The following DNAH10 variants were observed in gnomAD, a reference collection of about 807,000 sequenced individuals.
DNAH10 encodes axonemal beta dynein heavy chain 10.
Under a neutral mutation model 506.6 loss-of-function variants are expected in DNAH10, and 348 were observed. That is an observed-to-expected ratio of 0.69 (90% CI 0.63 to 0.75). DNAH10 has a LOEUF of 0.75. Among genes scored for constraint, DNAH10 ranks in the 30% least tolerant of loss-of-function variants. DNAH10 has a pLI of 0.00. For synonymous variants in DNAH10, 2,059 were observed against 2,198.6 expected, an observed-to-expected ratio of 0.94 and a Z score of 1.78; for missense variants, 5,179 against 5,787.1, an observed-to-expected ratio of 0.89 and a Z score of 3.41.
At position 123,848,798 on chromosome 12, in the gene DNAH10, A is replaced by G; in HGVS notation, c.6018A>G (p.Arg2006=). 1 of 1,613,914 alleles carries G rather than the reference A, an allele frequency of 6.2e-7. No homozygotes were observed. The change falls in exon 34 of 79, where the codon CGA becomes CGG. Residue 2006 remains arginine, a synonymous_variant. Transcript: ENST00000673944. The part of the protein sequence containing the change: ...GAWGCFDEFN[R]IDASVLSVIS... The stretch of plus-strand genomic sequence containing the variant: ...GGGGCTGCTTTGATGAGTTTAATCG[A>G]ATCGATGCTTCTGTGCTCTCCGTGA...
rs1359349314 is a variant in DNAH10, at chr12:123,928,247, G to T, written c.12106-140G>T. 5.4e-6 allele frequency: 5 copies of T among 931,252 alleles called. No homozygotes were observed. In the Admixed American group the frequency reaches 1.3e-4, roughly 24 times the overall value. The allele number at this position is 931,252 out of a possible 1,614,324, so 57.7% of individuals were successfully genotyped here. On this transcript the variant is annotated intron_variant, in intron 69 of 78. Transcript: ENST00000673944. This position sits in a 1 kb window ranked among gnomAD's most constrained non-coding sequence, Gnocchi z 4.9. Reference sequence around the variant, plus strand: ...GATGGTTTATTTGAAGGCTCCACCTGTAGCTCCTGGATCCTCGGCTTGCTT... The same window carrying T: ...GATGGTTTATTTGAAGGCTCCACCTTTAGCTCCTGGATCCTCGGCTTGCTT...
intron 21 of DNAH10, among the ~76,000 whole-genome samples, chr12:123,814,637 C>G (rs1395133436): frequency 8.4e-6 from 1 of 119,724 alleles, no homozygotes; most frequent in African/African-American, 3.5e-5. Context: ...TTTTTTGAGA[C>G]GGAGTCTCGC....
At chr12:123,930,303 G>A (rs1380852379) in intron 72 of DNAH10, 99 bp from the exon 73 acceptor site, 13 of 1,173,930 alleles carry the variant, frequency 1.1e-5, no homozygotes, top group African/African-American at 3.2e-5. Context: ...CCAGGCTGCT[G>A]GAGTCTCTTG....
intron 65 of DNAH10, among the ~76,000 whole-genome samples, chr12:123,921,613 A>G (rs189403990): frequency 1.1e-4 from 16 of 143,330 alleles, no homozygotes; most frequent in Middle Eastern, 8.3e-3. Flanking sequence ...TCTCAGCTTT[A>G]TCTCCTCCTC....
chr12:123,830,238 T>C (rs1197162962), intron 25 of DNAH10, among the ~76,000 whole-genome samples: 2 of 152,190 alleles, frequency 1.3e-5, no homozygotes, highest in Non-Finnish European at 2.9e-5. Context: ...GAGGTTGAGG[T>C]CATTGGTTGA....
intron 40 of DNAH10, 133 bp downstream of exon 40, chr12:123,864,863 A>C (rs1446478788): frequency 8.7e-7 from 1 of 1,146,188 alleles, no homozygotes; most frequent in Admixed American, 3.0e-5. Flanking sequence ...TAATGAATAC[A>C]ACTCTTTGTT....
intron 76 of DNAH10, chr12:123,932,527 T>C (rs1377399513): frequency 5.8e-6 from 1 of 172,928 alleles, no homozygotes; most frequent in Non-Finnish European, 1.2e-5. Flanking sequence ...GGTGCACATG[T>C]ATATGAATAT....
At position 123,910,262 on chromosome 12, in the gene DNAH10, G is replaced by C. The variant is rs1009080104; in HGVS notation, c.9998-274G>C. Among the ~76,000 whole-genome samples, 10 of 152,182 alleles carry C rather than the reference G, an allele frequency of 6.6e-5. 1 individual carries two copies. Among genetic ancestry groups the C allele is most frequent in the African/African-American group, 2.2e-4 (9 of 41,440 alleles). ...CTGTGAATTCCAGTTAGCCACCTGG[G>C]TGCCCAGTTGGGAGTCTCCGTTACG... On this transcript the variant is annotated intron_variant, in intron 58 of 78. Transcript: ENST00000673944.
intron 36 of DNAH10, among the ~76,000 whole-genome samples, chr12:123,855,964 T>C (rs1951370161): frequency 6.7e-6 from 1 of 149,574 alleles, no homozygotes; most frequent in East Asian, 1.9e-4. Flanking sequence ...TATTTTATTT[T>C]ACATTTTTAT....
chr12:123,768,430 C>T (rs570760003), intron 2 of DNAH10, among the ~76,000 whole-genome samples: 17 of 152,208 alleles, frequency 1.1e-4, no homozygotes, highest in South Asian at 4.2e-4. Context: ...CCACCATACC[C>T]GGCCGTCCTC....
intron 27 of DNAH10, among the ~76,000 whole-genome samples, chr12:123,834,243 T>C (rs1565965725): frequency 6.6e-6 from 1 of 152,210 alleles, no homozygotes; most frequent in African/African-American, 2.4e-5. Flanking sequence ...AGTCTTGCTC[T>C]GTCACCCAGG....
chr12:123,835,681 G>A (rs1034234144), intron 28 of DNAH10, among the ~76,000 whole-genome samples, 153 bp downstream of exon 28: 32 of 152,282 alleles, frequency 2.1e-4, no homozygotes, highest in Non-Finnish European at 2.1e-4. Flanking sequence ...CTGGAGTGCA[G>A]TGATGTGATC....
chr12:123,903,038 C>G lies in DNAH10; in HGVS notation c.9740C>G (p.Ala3247Gly). The G allele has an allele frequency of 6.2e-7, 1 of 1,609,546 alleles. No individual in the cohort carries two copies. The highest frequency in any genetic ancestry group is 8.5e-7 in the Non-Finnish European group (1 of 1,178,006). The stretch of plus-strand genomic sequence containing the variant: ...AAGGCCGAGGCCGAGACGACCCTGG[C>G]AGAGGTCATGCCCATCCTGGAGGCC... ...MEKAEAETTL[A>G]EVMPILEAAK... is the part of the protein sequence containing the mutation. The change falls in exon 57 of 79, where the codon GCA (alanine) becomes GGA (glycine). Residue 3247 changes from alanine (A) to glycine (G), a missense_variant. By Grantham distance (60) the Ala-to-Gly change is moderately conservative. Coordinates refer to ENST00000673944, the MANE Select transcript of DNAH10 (RefSeq NM_001372106.1). This position sits in a 1 kb window ranked among gnomAD's most constrained non-coding sequence, Gnocchi z 4.6.
Position 123,933,384 on chromosome 12 carries a change from G to A in DNAH10, c.13350G>A (p.Glu4450=). 6.2e-7 allele frequency: 1 copy of A among 1,611,128 alleles called. No individual in the cohort carries two copies. The change falls in exon 77 of 79, where the codon GAG becomes GAA. Residue 4450 remains glutamate, a synonymous_variant. Coordinates refer to ENST00000673944, the MANE Select transcript of DNAH10 (RefSeq NM_001372106.1). ...VMWLSGLHIP[E]SYLTALVQAT... The stretch of plus-strand genomic sequence containing the variant: ...GGCTCTCGGGGCTGCACATCCCTGA[G>A]TCCTACCTCACGGCGCTGGTGCAGG...
chr12:123,841,186 C>T, intron 29 of DNAH10, 136 bp from the exon 30 acceptor site: 1 of 839,292 alleles, frequency 1.2e-6, no homozygotes, highest in Admixed American at 1.9e-5. Context: ...GAACGACATC[C>T]ATCTTGCCTG....
Position 123,864,724 on chromosome 12 carries a change from C to G in DNAH10, c.7038C>G (p.Leu2346=). 1.2e-6 allele frequency: 2 copies of G among 1,610,988 alleles called. No homozygotes were observed. Among genetic ancestry groups the G allele is most frequent in the Non-Finnish European group, 8.5e-7 (1 of 1,178,956 alleles). ...GGCTCCAAGCACACTGTGCCCTGCT[C>G]TTTGAGGCAAGTAGTGATTAAAAGT... The part of the protein sequence containing the change: ...RIRLQAHCAL[L]FEVGDLQYAS... Residue 2346 remains leucine, a synonymous_variant, in exon 40 of 79, where the codon CTC becomes CTG. Coordinates refer to ENST00000673944, the MANE Select transcript of DNAH10 (RefSeq NM_001372106.1).
chr12:123,881,588 G>T, intron 50 of DNAH10, 37 bp from the exon 51 acceptor site: 2 of 1,504,762 alleles, frequency 1.3e-6, no homozygotes, highest in Non-Finnish European at 1.8e-6. Context: ...AACCCACCAT[G>T]CTGGGTTTTG....
rs1046711880 is a variant in DNAH10 at position 123,785,210 on chromosome 12, C to G, written c.1231-536C>G. Among the ~76,000 whole-genome samples the G allele has an allele frequency of 6.6e-6, 1 of 152,176 alleles. No individual in the cohort carries two copies. The highest frequency in any genetic ancestry group is 2.4e-5 in the African/African-American group (1 of 41,446). On this transcript the variant is annotated intron_variant, in intron 8 of 78. Coordinates refer to ENST00000673944, the MANE Select transcript of DNAH10 (RefSeq NM_001372106.1). This position sits in a 1 kb window ranked among gnomAD's most constrained non-coding sequence, Gnocchi z 4.1. Reference sequence around the variant, plus strand: ...ATTTTACATTCTGAAGAGCAATACACGAAGGTTCTGGTTTTTCCGTATCTT... The same window carrying G: ...ATTTTACATTCTGAAGAGCAATACAGGAAGGTTCTGGTTTTTCCGTATCTT...
At chr12:123,817,509 A>G (rs187039066) in intron 21 of DNAH10, among the ~76,000 whole-genome samples, 24 of 152,202 alleles carry the variant, frequency 1.6e-4, no homozygotes, top group African/African-American at 4.3e-4. Context: ...GATTTCAGGT[A>G]TTGTCATTAT....
Sources: allele counts gnomAD v4.1 joint callset (sites outside exome capture counted in the v4.1 genomes callset), GRCh38; gene constraint gnomAD v4.1.1; non-coding constraint Gnocchi (gnomAD v3.1); transcripts MANE v1.5; gene names NCBI Gene and HGNC (gene_info 2026-07-23, HGNC 2026-07-21).